The following MYF6 variants were observed in gnomAD, a reference collection of about 807,000 sequenced individuals.
MYF6 encodes the protein class C basic helix-loop-helix protein 4.
A neutral mutation model predicts 21.7 loss-of-function variants in MYF6; 20 were observed. That is an observed-to-expected ratio of 0.92 (90% CI 0.65 to 1.34). The LOEUF (loss-of-function observed/expected upper bound fraction) is 1.34, where lower values mean the gene tolerates loss of function less well. Among genes scored for constraint, MYF6 ranks in the 40% most tolerant of loss-of-function variants. The pLI, the probability that MYF6 is intolerant of heterozygous loss-of-function variation, is 0.00. For synonymous variants in MYF6, 124 were observed against 124.7 expected (o/e 0.99, Z 0.04); for missense variants, 320 against 304.1 (o/e 1.05, Z -0.39).
rs550225751 is a variant in MYF6, at chr12:80,709,026, C to G, written c.*66C>G. 1 of 1,257,994 alleles carries G rather than the reference C, an allele frequency of 7.9e-7. No individual in the cohort carries two copies. 77.9% of individuals were successfully genotyped at this position (1,257,994 alleles called of 1,614,324 possible). A position where few individuals can be genotyped will look rare whatever the true frequency, so the allele number is the denominator to read the frequency against. ...TCCCACCGACCCTTCCTGGCCTAAT[C>G]CTTTAGATTAGGTCACATTACATTA... On this transcript the variant is annotated 3_prime_UTR_variant, in exon 3 of 3. Transcript: ENST00000228641.
chr12:80,708,598 G>A lies in MYF6; in HGVS notation c.594G>A (p.Val198=), dbSNP rs922146355. The part of the protein sequence containing the change: ...PSVSDHSRGL[V]ITAKEGGASI... The stretch of plus-strand genomic sequence containing the variant: ...TTTCCGATCATTCCAGGGGGCTCGT[G>A]ATAACGGCTAAGGAAGGTAAAGTAA... The change falls in exon 2 of 3, where the codon GTG becomes GTA. Residue 198 remains valine, a synonymous_variant. Coordinates refer to ENST00000228641, the MANE Select transcript of MYF6 (RefSeq NM_002469.3). 2.5e-6 allele frequency: 4 copies of A among 1,614,080 alleles called. No individual in the cohort carries two copies. Among genetic ancestry groups the A allele is most frequent in the Non-Finnish European group, 3.4e-6 (4 of 1,180,024 alleles).
chr12:80,708,779 G>A (rs1868420264), intron 2 of MYF6, 63 bp from the exon 3 acceptor site: 7 of 1,568,424 alleles, frequency 4.5e-6, no homozygotes, highest in Non-Finnish European at 5.3e-6. Flanking sequence ...CCTCGCGCGG[G>A]GCGCGGAGCT....
rs1334635861 is a variant in MYF6, at chr12:80,708,179, C to A, written c.460C>A (p.Gln154Lys). Residue 154 changes from glutamine to lysine, a missense_variant, in exon 1 of 3, where the codon CAG becomes AAG. By Grantham distance (53) the Gln-to-Lys change is moderately conservative. Coordinates refer to ENST00000228641, the MANE Select transcript of MYF6 (RefSeq NM_002469.3). ...GGACCTGCTGCACCGGCTGGATCAG[C>A]AGGAGAAGATGCAGGAGCTGGGGGT... ...LQDLLHRLDQ[Q>K]EKMQELGVDP... 1 of 1,613,778 alleles carries A rather than the reference C, an allele frequency of 6.2e-7. No individual in the cohort carries two copies. Among genetic ancestry groups the A allele is most frequent in the Non-Finnish European group, 8.5e-7 (1 of 1,179,804 alleles).
In MYF6 at chr12:80,708,210, C is replaced by T. The variant is rs745778813; in HGVS notation, c.491C>T (p.Pro164Leu). The T allele has an allele frequency of 6.2e-7, 1 of 1,612,736 alleles. No individual in the cohort carries two copies. The highest frequency in any genetic ancestry group is 8.5e-7 in the Non-Finnish European group (1 of 1,179,596). ...AAGATGCAGGAGCTGGGGGTGGACC[C>T]CTTCAGCTACAGACCCAAACAAGAA... is the stretch of plus-strand genomic sequence containing the variant. ...QEKMQELGVD[P>L]FSYRPKQENL... The change falls in exon 1 of 3, where the codon CCC (proline) becomes CTC (leucine). Residue 164 changes from proline to leucine, a missense_variant. Coordinates refer to ENST00000228641, the MANE Select transcript of MYF6 (RefSeq NM_002469.3).
intron 2 of MYF6, 113 bp downstream of exon 2, chr12:80,708,727 C>A: frequency 6.6e-7 from 1 of 1,520,086 alleles, no homozygotes; most frequent in Non-Finnish European, 9.1e-7. Context: ...AAAGGGCGCT[C>A]TTTGCGCGCC....
Position 80,707,696 on chromosome 12 carries a change from G to C in MYF6, c.-24G>C. 1 of 1,614,068 alleles carries C rather than the reference G, an allele frequency of 6.2e-7. No homozygotes were observed. Among genetic ancestry groups the C allele is most frequent in the Non-Finnish European group, 8.5e-7 (1 of 1,180,016 alleles). On this transcript the variant is annotated 5_prime_UTR_variant, in exon 1 of 3. Coordinates refer to ENST00000228641, the MANE Select transcript of MYF6 (RefSeq NM_002469.3). Reference sequence around the variant, plus strand: ...TTGAGTCCATCACCCAGTTCAGATCGAGTCAGAGGCCAAGGAGGAGAACAT... The same window carrying C: ...TTGAGTCCATCACCCAGTTCAGATCCAGTCAGAGGCCAAGGAGGAGAACAT...
In MYF6 at chr12:80,708,018, T is replaced by C. The variant is rs750459858; in HGVS notation, c.299T>C (p.Leu100Pro). 1.2e-5 allele frequency: 20 copies of C among 1,614,008 alleles called. No homozygotes were observed. The highest frequency in any genetic ancestry group is 1.7e-5 in the Non-Finnish European group (20 of 1,180,020). Reference protein sequence around the residue: ...APTDRRKAATLRERRRLKKIN... With the variant: ...APTDRRKAATPRERRRLKKIN... ...ACTGACCGGCGAAAAGCCGCCACCC[T>C]GCGCGAAAGGAGGAGGCTAAAGAAA... Residue 100 changes from leucine (L) to proline (P), a missense_variant, in exon 1 of 3, where the codon CTG becomes CCG. By Grantham distance (98) the Leu-to-Pro change is moderately conservative. Coordinates refer to ENST00000228641, the MANE Select transcript of MYF6 (RefSeq NM_002469.3).
intron 1 of MYF6, 141 bp downstream of exon 1, chr12:80,708,379 CA>C: frequency 7.1e-7 from 1 of 1,413,588 alleles, no homozygotes; most frequent in South Asian, 1.2e-5. Flanking sequence ...AATGAACCCC[CA>C]GTGACCCAAG....
chr12:80,707,724 T>C lies in MYF6; in HGVS notation c.5T>C (p.Met2Thr). 2 of 1,614,182 alleles carry C rather than the reference T, an allele frequency of 1.2e-6. No homozygotes were observed. The highest frequency in any genetic ancestry group is 2.2e-5 in the South Asian group (2 of 91,082). The stretch of plus-strand genomic sequence containing the variant: ...TCAGAGGCCAAGGAGGAGAACATGA[T>C]GATGGACCTTTTTGAAACTGGCTCC... Reference protein sequence around the residue: MMMDLFETGSYF... With the variant: MTMDLFETGSYF... The change falls in exon 1 of 3, where the codon ATG becomes ACG. Residue 2 changes from methionine to threonine, a missense_variant. Met to Thr is a moderately conservative substitution (Grantham distance 81). Coordinates refer to ENST00000228641, the MANE Select transcript of MYF6 (RefSeq NM_002469.3).
At chr12:80,708,322 C>A in intron 1 of MYF6, 84 bp downstream of exon 1, 1 of 1,532,994 alleles carries the variant, frequency 6.5e-7, no homozygotes, top group Admixed American at 1.9e-5. Flanking sequence ...GCTGCTTGGT[C>A]TTTTTTCCCT....
Position 80,709,223 on chromosome 12 carries a change from T to C in MYF6, c.*263T>C, listed in dbSNP as rs994838419. On this transcript the variant is annotated 3_prime_UTR_variant, in exon 3 of 3. Coordinates refer to ENST00000228641, the MANE Select transcript of MYF6 (RefSeq NM_002469.3). ...GGCTTAGGTCTAGCCTCATTTTGTTTTTGTTTGGTTGGTTTTATACTATAT... is the reference window on the plus strand; with the variant it reads ...GGCTTAGGTCTAGCCTCATTTTGTTCTTGTTTGGTTGGTTTTATACTATAT... The C allele has an allele frequency of 1.3e-5, 6 of 460,764 alleles. No individual in the cohort carries two copies. The highest frequency in any genetic ancestry group is 6.1e-4 in the Middle Eastern group (1 of 1,646). The allele number at this position is 460,764 out of a possible 1,614,324, so 28.5% of individuals were successfully genotyped here. A position where few individuals can be genotyped will look rare whatever the true frequency, so the allele number is the denominator to read the frequency against.
In MYF6 at chr12:80,708,292, C is replaced by T. The variant is rs549497034; in HGVS notation, c.519+54C>T. Reference sequence around the variant, plus strand: ...AATGCGAAGGCTGATTAAACGCCTTCCGCGGGGCCTTAACCTCCAGCTGCT... The same window carrying T: ...AATGCGAAGGCTGATTAAACGCCTTTCGCGGGGCCTTAACCTCCAGCTGCT... On this transcript the variant is annotated intron_variant, in intron 1 of 2. Coordinates refer to ENST00000228641, the MANE Select transcript of MYF6 (RefSeq NM_002469.3). 272 of 1,578,536 alleles carry T rather than the reference C, an allele frequency of 1.7e-4. No homozygotes were observed. In the African/African-American group the frequency reaches 3.3e-3, roughly 19 times the overall value.
rs1401562380 is a variant in MYF6 at position 80,707,867 on chromosome 12, C to T, written c.148C>T (p.Pro50Ser). 6.2e-7 allele frequency: 1 copy of T among 1,614,164 alleles called. No individual in the cohort carries two copies. Among genetic ancestry groups the T allele is most frequent in the East Asian group, 2.2e-5 (1 of 44,862 alleles). The change falls in exon 1 of 3, where the codon CCG becomes TCG. Residue 50 changes from proline to serine, a missense_variant. Transcript: ENST00000228641. ...TLSPCQDQMPPEAGSDSSGEE... is the reference protein window; with the variant it reads ...TLSPCQDQMPSEAGSDSSGEE... ...GTCCCCCTGCCAGGACCAAATGCCC[C>T]CGGAAGCGGGGAGCGACAGCAGCGG...
chr12:80,708,012 C>T lies in MYF6; in HGVS notation c.293C>T (p.Ala98Val), dbSNP rs1416313031. The change falls in exon 1 of 3, where the codon GCC becomes GTC. Residue 98 changes from alanine to valine, a missense_variant. By Grantham distance (64) the Ala-to-Val change is moderately conservative. Transcript: ENST00000228641. The part of the protein sequence containing the change: ...KSAPTDRRKA[A>V]TLRERRRLKK... ...GCCCCCACTGACCGGCGAAAAGCCGCCACCCTGCGCGAAAGGAGGAGGCTA... is the reference window on the plus strand; with the variant it reads ...GCCCCCACTGACCGGCGAAAAGCCGTCACCCTGCGCGAAAGGAGGAGGCTA... 1 of 1,614,162 alleles carries T rather than the reference C, an allele frequency of 6.2e-7. No homozygotes were observed.
chr12:80,708,748 CTTT>C, intron 2 of MYF6, 91 bp from the exon 3 acceptor site: 2 of 1,525,146 alleles, frequency 1.3e-6, no homozygotes, highest in Non-Finnish European at 1.8e-6. Flanking sequence ...GGGACCAGGC[CTTT>C]CCTCGCTGCC....
rs201098963 is a variant in MYF6, at chr12:80,708,914, C to G, written c.683C>G (p.Ser228Trp). The G allele has an allele frequency of 1.9e-6, 3 of 1,614,086 alleles. No individual in the cohort carries two copies. Among genetic ancestry groups the G allele is most frequent in the Non-Finnish European group, 2.5e-6 (3 of 1,180,036 alleles). Reference sequence around the variant, plus strand: ...TCTTCCATCGTGGACAGTATTTCCTCGGAGGAACGCAAACTCCCCTGCGTG... The same window carrying G: ...TCTTCCATCGTGGACAGTATTTCCTGGGAGGAACGCAAACTCCCCTGCGTG... Reference protein sequence around the residue: ...CLSSIVDSISSEERKLPCVEE... With the variant: ...CLSSIVDSISWEERKLPCVEE... Residue 228 changes from serine (S) to tryptophan (W), a missense_variant, in exon 3 of 3, where the codon TCG becomes TGG. Transcript: ENST00000228641.
intron 1 of MYF6, 137 bp from the exon 2 acceptor site, chr12:80,708,387 C>A: frequency 7.1e-7 from 1 of 1,404,404 alleles, no homozygotes; most frequent in Admixed American, 1.9e-5. Context: ...CCCAGTGACC[C>A]AAGAAGACCG....
rs2121345723 is a variant in MYF6, at chr12:80,708,576, C to T, written c.572C>T (p.Ser191Phe). Reference sequence around the variant, plus strand: ...TGCAGCTCCCAGTGGCCAAGTGTTTCCGATCATTCCAGGGGGCTCGTGATA... The same window carrying T: ...TGCAGCTCCCAGTGGCCAAGTGTTTTCGATCATTCCAGGGGGCTCGTGATA... The part of the protein sequence containing the change: ...RTCSSQWPSV[S>F]DHSRGLVITA... Residue 191 changes from serine to phenylalanine, a missense_variant, in exon 2 of 3, where the codon TCC (serine) becomes TTC (phenylalanine). By Grantham distance (155) the Ser-to-Phe change is radical. Transcript: ENST00000228641. The T allele has an allele frequency of 6.2e-7, 1 of 1,613,536 alleles. No homozygotes were observed. Among genetic ancestry groups the T allele is most frequent in the East Asian group, 2.2e-5 (1 of 44,804 alleles).
At chr12:80,708,398 G>C in intron 1 of MYF6, 126 bp from the exon 2 acceptor site, 1 of 1,403,942 alleles carries the variant, frequency 7.1e-7, no homozygotes, top group South Asian at 1.2e-5. Flanking sequence ...AAGAAGACCG[G>C]GTGCTTGCAA....
Sources: allele counts gnomAD v4.1 joint callset, GRCh38; gene constraint gnomAD v4.1.1; transcripts MANE v1.5; gene names NCBI Gene and HGNC (gene_info 2026-07-23, HGNC 2026-07-21).